Variants in NKAIN2 observed in about 807,000 individuals in gnomAD.
NKAIN2 encodes sodium/potassium transporting ATPase interacting 2.
NKAIN2 carries 14 observed loss-of-function variants against 32.6 expected under a neutral mutation model. The ratio of observed to expected loss-of-function variants is 0.43; its 90% confidence interval spans 0.28 to 0.67. The LOEUF is 0.67. NKAIN2 is among the 30% of genes least tolerant of loss of function. The pLI is 0.17. For synonymous variants in NKAIN2, 80 were observed against 87.2 expected, an observed-to-expected ratio of 0.92 and a Z score of 0.46; for missense variants, 198 against 258.3, an observed-to-expected ratio of 0.77 and a Z score of 1.60.
chr6:124,800,809 AG>A (rs1249094645), intron 5 of NKAIN2, among the ~76,000 whole-genome samples: 1 of 152,162 alleles, frequency 6.6e-6, no homozygotes, highest in Admixed American at 6.5e-5. Flanking sequence ...TGGGGTTGGC[AG>A]GGGCAGGCAG....
intron 3 of NKAIN2, among the ~76,000 whole-genome samples, chr6:124,568,758 A>T (rs1335501099): frequency 6.7e-6 from 1 of 149,616 alleles, no homozygotes; most frequent in Non-Finnish European, 1.5e-5. Context: ...GTCAATAAAA[A>T]TGAGGAAAAA....
rs954742842 is a variant in NKAIN2, at chr6:124,206,645, C to G, written c.55-76360C>G. On this transcript the variant is annotated intron_variant, in intron 1 of 6. Coordinates refer to ENST00000368417, the MANE Select transcript of NKAIN2 (RefSeq NM_001040214.3). Reference sequence around the variant, plus strand: ...ATCAGAATATTATTCTATCAGTTATCTTTTTCTCTTCAGAGTCATATTGCT... The same window carrying G: ...ATCAGAATATTATTCTATCAGTTATGTTTTTCTCTTCAGAGTCATATTGCT... 1.8e-4 allele frequency among the ~76,000 whole-genome samples: 27 copies of G among 151,944 alleles called. No homozygotes were observed. In the East Asian group the frequency reaches 5.2e-3, roughly 29 times the overall value.
intron 1 of NKAIN2, among the ~76,000 whole-genome samples, chr6:123,909,458 C>A (rs568087679): frequency 2.6e-5 from 4 of 152,318 alleles, no homozygotes; most frequent in African/African-American, 7.2e-5. Flanking sequence ...AGTCCTGCCA[C>A]CCTCTCTGAG....
At chr6:124,821,300 A>G (rs867215893) in intron 6 of NKAIN2, among the ~76,000 whole-genome samples, 1 of 152,026 alleles carries the variant, frequency 6.6e-6, no homozygotes, top group Non-Finnish European at 1.5e-5. Flanking sequence ...GTCTCAAAAA[A>G]AAAAAAAAAG....
At chr6:124,228,586 A>G (rs1792245794) in intron 1 of NKAIN2, among the ~76,000 whole-genome samples, 1 of 152,138 alleles carries the variant, frequency 6.6e-6, no homozygotes, top group Non-Finnish European at 1.5e-5. Context: ...AGTCCATAGC[A>G]AGACCTAAAA....
chr6:124,198,622 C>G (rs1201058537), intron 1 of NKAIN2, among the ~76,000 whole-genome samples: 1 of 151,826 alleles, frequency 6.6e-6, no homozygotes, highest in Non-Finnish European at 1.5e-5. Context: ...CGTGGTATAT[C>G]TTTACTGCTT....
chr6:124,109,102 G>A (rs1785249259), intron 1 of NKAIN2, among the ~76,000 whole-genome samples: 1 of 151,926 alleles, frequency 6.6e-6, no homozygotes, highest in Non-Finnish European at 1.5e-5. Context: ...TATGCCATTG[G>A]AATTTTGATA....
intron 1 of NKAIN2, among the ~76,000 whole-genome samples, chr6:124,028,904 CA>C (rs1781273362): frequency 6.3e-5 from 1 of 15,820 alleles, no homozygotes; most frequent in Non-Finnish European, 1.0e-4. Flanking sequence ...TATATATATA[CA>C]CATATATGTA....
chr6:124,342,312 G>A (rs939198534), intron 2 of NKAIN2, among the ~76,000 whole-genome samples: 7 of 151,308 alleles, frequency 4.6e-5, no homozygotes, highest in Non-Finnish European at 8.8e-5. Flanking sequence ...AGGAGGCTGA[G>A]GCAGGAGAAT....
chr6:124,145,343 T>C (rs1470423269), intron 1 of NKAIN2, among the ~76,000 whole-genome samples: 2 of 152,180 alleles, frequency 1.3e-5, no homozygotes, highest in Non-Finnish European at 2.9e-5. Context: ...TTATTTGTAA[T>C]AGCCAAAAAC....
intron 1 of NKAIN2, among the ~76,000 whole-genome samples, chr6:123,883,264 C>A (rs1033363374): frequency 6.6e-6 from 1 of 152,086 alleles, no homozygotes; most frequent in Non-Finnish European, 1.5e-5. Context: ...CCTGCCTCAG[C>A]CTCCCAAGTA....
chr6:124,499,579 G>A (rs1444804450), intron 3 of NKAIN2, among the ~76,000 whole-genome samples: 1 of 152,090 alleles, frequency 6.6e-6, no homozygotes, highest in Non-Finnish European at 1.5e-5. Flanking sequence ...TAGGTGAAGG[G>A]TAGAACCACT....
chr6:124,274,686 T>C (rs1472234684), intron 1 of NKAIN2, among the ~76,000 whole-genome samples: 1 of 152,058 alleles, frequency 6.6e-6, no homozygotes, highest in Non-Finnish European at 1.5e-5. Flanking sequence ...AAAGTAAGCA[T>C]TAACTTAAAA....
At chr6:123,932,406 CTTTTTTTTT>C (rs57063550) in intron 1 of NKAIN2, among the ~76,000 whole-genome samples, 263 of 104,426 alleles carry the variant, frequency 2.5e-3, no homozygotes, top group Middle Eastern at 0.015. Context: ...TTCTGTCTTT[CTTTTTTTTT>C]TTTTTTTTTT....
chr6:124,407,608 G>A lies in NKAIN2; in HGVS notation c.273+52261G>A, dbSNP rs565968313. Among the ~76,000 whole-genome samples the A allele has an allele frequency of 2.0e-5, 3 of 152,088 alleles. No individual in the cohort carries two copies. The East Asian group carries it at 5.8e-4, about 29-fold the overall frequency. On this transcript the variant is annotated intron_variant, in intron 3 of 6. Coordinates refer to ENST00000368417, the MANE Select transcript of NKAIN2 (RefSeq NM_001040214.3). ...TCCAGTCTATCATTGTTGGACATTT[G>A]GGTTGGTTCCAAGTCTTTGCTATTG... is the stretch of plus-strand genomic sequence containing the variant.
chr6:124,033,088 T>G (rs1266769320), intron 1 of NKAIN2, among the ~76,000 whole-genome samples: 3 of 152,118 alleles, frequency 2.0e-5, no homozygotes, highest in Non-Finnish European at 2.9e-5. Context: ...AATAGATTTC[T>G]CTTTCTTTTA....
At chr6:124,725,764 G>C (rs1016260072) in intron 4 of NKAIN2, among the ~76,000 whole-genome samples, 2 of 152,196 alleles carry the variant, frequency 1.3e-5, no homozygotes, top group Admixed American at 6.5e-5. Context: ...CGACGCAGAA[G>C]ACGGTGATTT....
intron 1 of NKAIN2, among the ~76,000 whole-genome samples, chr6:124,185,187 CTT>C (rs149379981): frequency 6.6e-6 from 1 of 152,230 alleles, no homozygotes; most frequent in African/African-American, 2.4e-5. Flanking sequence ...GAACTGGACT[CTT>C]TCATATTATG....
chr6:123,965,539 C>T (rs1330307357), intron 1 of NKAIN2, among the ~76,000 whole-genome samples: 2 of 152,120 alleles, frequency 1.3e-5, no homozygotes. Context: ...GATCTGTATT[C>T]ATTCCTTTAA....
Sources: gnomAD v4.1 joint callset for allele counts (sites outside exome capture counted in the v4.1 genomes callset) on GRCh38, gnomAD v4.1.1 for gene constraint, MANE v1.5 for transcripts, NCBI Gene and HGNC (gene_info 2026-07-23, HGNC 2026-07-21) for gene names.